The following CRACD variants were observed in gnomAD, a reference collection of about 807,000 sequenced individuals.
CRACD encodes the protein capping protein inhibiting regulator of actin dynamics.
Under a neutral mutation model 106.8 loss-of-function variants are expected in CRACD, and 56 were observed. That is an observed-to-expected ratio of 0.52 (90% CI 0.42 to 0.66). CRACD has a LOEUF of 0.66. Among genes scored for constraint, CRACD ranks in the 30% least tolerant of loss-of-function variants. The pLI, the probability that CRACD is intolerant of heterozygous loss-of-function variation, is 0.00. For synonymous variants in CRACD, 754 were observed against 670.8 expected, an observed-to-expected ratio of 1.12 and a Z score of -1.92; for missense variants, 1,730 against 1,623.2, an observed-to-expected ratio of 1.07 and a Z score of -1.13.
At chr4:56,178,245 C>G (rs533835633) in intron 1 of CRACD, among the ~76,000 whole-genome samples, 4 of 152,290 alleles carry the variant, frequency 2.6e-5, no homozygotes, top group African/African-American at 9.6e-5. Context: ...TTTCCCTTCT[C>G]TCTGGGATCG....
chr4:56,315,103 C>G lies in CRACD; in HGVS notation c.1601C>G (p.Pro534Arg), dbSNP rs936705823. Reference sequence around the variant, plus strand: ...GAGGTGGACGAGAGACAGACCATGCCCCGGCCCTACACGTTCCAGGTGTCC... The same window carrying G: ...GAGGTGGACGAGAGACAGACCATGCGCCGGCCCTACACGTTCCAGGTGTCC... ...WQEVDERQTM[P>R]RPYTFQVSSG... The change falls in exon 8 of 11, where the codon CCC (proline) becomes CGC (arginine). Residue 534 changes from proline to arginine, a missense_variant. This residue lies in a region of CRACD where 1,620 missense variants were observed against 1,481.6 expected (regional missense o/e 1.09). Transcript: ENST00000682029. This position sits in a 1 kb window ranked among gnomAD's most constrained non-coding sequence, Gnocchi z 4.1. The G allele has an allele frequency of 6.2e-7, 1 of 1,611,128 alleles. No individual in the cohort carries two copies. The highest frequency in any genetic ancestry group is 1.1e-5 in the South Asian group (1 of 90,164).
chr4:56,159,065 T>G (rs1735856905), intron 1 of CRACD, among the ~76,000 whole-genome samples: 1 of 152,212 alleles, frequency 6.6e-6, no homozygotes, highest in African/African-American at 2.4e-5. Flanking sequence ...TATTACTTTA[T>G]AGTGTTGTGA....
At chr4:56,187,149 C>T (rs935282379) in intron 2 of CRACD, among the ~76,000 whole-genome samples, 1 of 151,796 alleles carries the variant, frequency 6.6e-6, no homozygotes, top group African/African-American at 2.4e-5. Flanking sequence ...ATACTTAGGG[C>T]ATTGCAATGG....
At chr4:56,165,493 A>G (rs541177714) in intron 1 of CRACD, among the ~76,000 whole-genome samples, 1 of 152,160 alleles carries the variant, frequency 6.6e-6, no homozygotes, top group African/African-American at 2.4e-5. Context: ...TAAGTAACTT[A>G]CCCAGGGACA....
At chr4:56,137,462 A>G (rs1349034443) in intron 1 of CRACD, among the ~76,000 whole-genome samples, 3 of 152,326 alleles carry the variant, frequency 2.0e-5, no homozygotes, top group East Asian at 3.9e-4. Flanking sequence ...ATGTATGACA[A>G]CAGTGGACGA....
At chr4:56,308,920 G>T (rs765199346) in intron 5 of CRACD, 18 of 1,288,534 alleles carry the variant, frequency 1.4e-5, no homozygotes, top group Middle Eastern at 2.2e-4. Context: ...TGTTTGTTCA[G>T]CAGGCTCTGT....
At position 56,315,507 on chromosome 4, in the gene CRACD, G is replaced by T; in HGVS notation, c.2005G>T (p.Ala669Ser). The T allele has an allele frequency of 6.2e-7, 1 of 1,613,772 alleles. No homozygotes were observed. Among genetic ancestry groups the T allele is most frequent in the Non-Finnish European group, 8.5e-7 (1 of 1,179,970 alleles). ...PSSASALAEW[A>S]SIRSRILKNA... ...CAGCGCGTCCGCACTCGCAGAATGG[G>T]CTTCCATTCGGTCCAGAATCCTGAA... The change falls in exon 8 of 11, where the codon GCT (alanine) becomes TCT (serine). Residue 669 changes from alanine to serine, a missense_variant. Coordinates refer to ENST00000682029, the MANE Select transcript of CRACD (RefSeq NM_001393381.1). The surrounding 1 kb of genome is among the most constrained non-coding windows in gnomAD (Gnocchi z 4.1).
intron 1 of CRACD, among the ~76,000 whole-genome samples, chr4:56,175,751 G>A (rs920947447): frequency 2.0e-5 from 3 of 152,046 alleles, no homozygotes; most frequent in Non-Finnish European, 4.4e-5. Flanking sequence ...CTCTTCGTTT[G>A]TTGTTTTCCT....
At chr4:56,123,532 TAC>T in intron 1 of CRACD, among the ~76,000 whole-genome samples, 1 of 152,272 alleles carries the variant, frequency 6.6e-6, no homozygotes, top group Middle Eastern at 3.4e-3. Context: ...CATCTCCAAA[TAC>T]AGTCACGTTG....
chr4:56,085,783 G>A (rs1733196745), intron 1 of CRACD, among the ~76,000 whole-genome samples: 1 of 152,184 alleles, frequency 6.6e-6, no homozygotes, highest in East Asian at 1.9e-4. Flanking sequence ...GTAAAAGAAG[G>A]AGCTTGAACT....
At chr4:56,082,217 G>A (rs1280893637) in intron 1 of CRACD, among the ~76,000 whole-genome samples, 1 of 152,154 alleles carries the variant, frequency 6.6e-6, no homozygotes, top group Admixed American at 6.5e-5. Flanking sequence ...AACCAACCAT[G>A]CAGCAATCTG....
At chr4:56,196,092 A>T (rs1737594430) in intron 2 of CRACD, among the ~76,000 whole-genome samples, 2 of 152,322 alleles carry the variant, frequency 1.3e-5, no homozygotes, top group Middle Eastern at 3.4e-3. Context: ...GGAGACTGTA[A>T]TTCAGTGAAT....
At chr4:56,217,517 C>G (rs1348560034) in intron 2 of CRACD, among the ~76,000 whole-genome samples, 1 of 152,014 alleles carries the variant, frequency 6.6e-6, no homozygotes, top group Non-Finnish European at 1.5e-5. Flanking sequence ...TATTAAAGAC[C>G]TGGAATCAAT....
intron 2 of CRACD, among the ~76,000 whole-genome samples, chr4:56,203,630 C>G (rs1282673503): frequency 6.6e-6 from 1 of 152,138 alleles, no homozygotes; most frequent in Non-Finnish European, 1.5e-5. Context: ...CTCTGGCATC[C>G]TCACCTCCAG....
At chr4:56,056,585 A>C (rs1181247512) in intron 1 of CRACD, among the ~76,000 whole-genome samples, 1 of 121,174 alleles carries the variant, frequency 8.3e-6, no homozygotes, top group Non-Finnish European at 1.7e-5. Context: ...CCCTGTCTCT[A>C]TAAAAAAAAA....
chr4:56,201,142 CTT>C (rs1352221899), intron 2 of CRACD, among the ~76,000 whole-genome samples: 1 of 152,144 alleles, frequency 6.6e-6, no homozygotes, highest in African/African-American at 2.4e-5. Context: ...TTATGAGCGT[CTT>C]TGGCTCTGTC....
At chr4:56,264,661 G>T (rs1482919268) in intron 2 of CRACD, among the ~76,000 whole-genome samples, 1 of 152,178 alleles carries the variant, frequency 6.6e-6, no homozygotes, top group Non-Finnish European at 1.5e-5. Context: ...AGCTTACAAA[G>T]ATGACAGGAT....
At chr4:56,169,949 G>A (rs1219645434) in intron 1 of CRACD, among the ~76,000 whole-genome samples, 1 of 151,888 alleles carries the variant, frequency 6.6e-6, no homozygotes, top group Non-Finnish European at 1.5e-5. Context: ...AACCAGCAGG[G>A]GTATTTATCT....
intron 2 of CRACD, among the ~76,000 whole-genome samples, chr4:56,217,824 G>T (rs1023114715): frequency 6.6e-6 from 1 of 152,174 alleles, no homozygotes; most frequent in Non-Finnish European, 1.5e-5. Flanking sequence ...CAAGAGGAAG[G>T]GTTCATTCAG....
Sources: allele counts gnomAD v4.1 joint callset (sites outside exome capture counted in the v4.1 genomes callset), GRCh38; gene constraint gnomAD v4.1.1; regional missense constraint gnomAD v4.1.1; non-coding constraint Gnocchi (gnomAD v3.1); transcripts MANE v1.5; gene names NCBI Gene and HGNC (gene_info 2026-07-23, HGNC 2026-07-21).